Variants in BIN2 observed in about 807,000 individuals in gnomAD.
BIN2 encodes the protein bridging integrator 2.
In BIN2, 43 loss-of-function variants were observed where a neutral mutation model predicts 67.9. That is an observed-to-expected ratio of 0.63 (90% CI 0.50 to 0.82). The LOEUF (loss-of-function observed/expected upper bound fraction) is 0.82, where lower values mean the gene tolerates loss of function less well. Among genes scored for constraint, BIN2 ranks in the 40% least tolerant of loss-of-function variants. The pLI is 0.00. For missense variants in BIN2, 581 were observed against 671.6 expected, an observed-to-expected ratio of 0.87 and a Z score of 1.49; for synonymous variants, 244 against 246.8, an observed-to-expected ratio of 0.99 and a Z score of 0.11.
chr12:51,322,904 T>C (rs1333439164), intron 1 of BIN2: 2 of 152,226 alleles, frequency 1.3e-5, no homozygotes, highest in Admixed American at 6.5e-5. Context: ...CCATCAGTTT[T>C]CTGCTGATAA....
At position 51,307,710 on chromosome 12, in the gene BIN2, CA is replaced by C. The variant is rs199928908; in HGVS notation, c.163-4570del. Among the ~76,000 whole-genome samples the C allele has an allele frequency of 7.4e-3, 865 of 117,520 alleles. 3 individuals carry two copies. The highest frequency in any genetic ancestry group is 0.039 in the Middle Eastern group (8 of 204). The allele number at this position is 117,520 out of a possible 152,430, so 77.1% of individuals were successfully genotyped here. ...GGGCGACAAGAGAGAAACTCCGTCT[CA>C]AAAAAAAAAAAAATTACCTTGCACA... On this transcript the variant is annotated intron_variant, in intron 2 of 12. Coordinates refer to ENST00000615107, the MANE Select transcript of BIN2 (RefSeq NM_016293.4).
chr12:51,293,186 C>G lies in BIN2; in HGVS notation c.762-842G>C, dbSNP rs138084958. On this transcript the variant is annotated intron_variant, in intron 9 of 12. Transcript: ENST00000615107. ...CTTTATAAAACAAAACTACCATGAA[C>G]AACAAGAATCAACTATAACATCTAT... Among the ~76,000 whole-genome samples the G allele has an allele frequency of 2.8e-3, 420 of 151,766 alleles. 1 individual carries two copies. The highest frequency in any genetic ancestry group is 9.9e-3 in the African/African-American group (410 of 41,428).
At chr12:51,283,993 CAAA>C (rs34571040) in intron 12 of BIN2, among the ~76,000 whole-genome samples, 1 of 133,150 alleles carries the variant, frequency 7.5e-6, no homozygotes, top group Non-Finnish European at 1.6e-5. Context: ...AACTCCGTCT[CAAA>C]AAAAAAAAAA....
intron 9 of BIN2, among the ~76,000 whole-genome samples, chr12:51,293,289 A>G (rs1005688214): frequency 6.6e-6 from 1 of 151,928 alleles, no homozygotes; most frequent in Admixed American, 6.6e-5. Flanking sequence ...TCAGCCAAAA[A>G]AAAACCACCT....
At chr12:51,301,672 A>AT (rs537318198) in intron 5 of BIN2, among the ~76,000 whole-genome samples, 86 of 149,892 alleles carry the variant, frequency 5.7e-4, no homozygotes, top group African/African-American at 1.8e-3. Context: ...CCACATGACT[A>AT]TTTTTTTTTG....
chr12:51,315,487 A>C (rs1946103784), intron 1 of BIN2, among the ~76,000 whole-genome samples: 2 of 152,190 alleles, frequency 1.3e-5, no homozygotes, highest in South Asian at 4.1e-4. Flanking sequence ...TTAATATTTA[A>C]AGTGGGTTTT....
At chr12:51,312,199 C>T (rs1946013553) in intron 2 of BIN2, among the ~76,000 whole-genome samples, 1 of 152,186 alleles carries the variant, frequency 6.6e-6, no homozygotes, top group African/African-American at 2.4e-5. Flanking sequence ...GCTTATTTGC[C>T]TGATAAGAAT....
chr12:51,318,779 G>T (rs1364547879), intron 1 of BIN2, among the ~76,000 whole-genome samples: 1 of 152,174 alleles, frequency 6.6e-6, no homozygotes, highest in Non-Finnish European at 1.5e-5. Flanking sequence ...TTGTCAGGAG[G>T]ATTAAATGAT....
intron 2 of BIN2, among the ~76,000 whole-genome samples, chr12:51,307,377 C>CA (rs1278448843): frequency 4.0e-5 from 6 of 151,308 alleles, no homozygotes; most frequent in African/African-American, 1.5e-4. Context: ...AATTTTATTT[C>CA]AAAAATAAAT....
At position 51,323,487 on chromosome 12, in the gene BIN2, T is replaced by C. The variant is rs117733810; in HGVS notation, c.81+535A>G. Among the ~76,000 whole-genome samples the C allele has an allele frequency of 7.8e-3, 1,177 of 150,124 alleles. 10 individuals are homozygous for C. Among genetic ancestry groups the C allele is most frequent in the Middle Eastern group, 0.024 (7 of 292 alleles). Reference sequence around the variant, plus strand: ...GAAGAAGCAGATTTGGGCTCCTGCTTACGTCAGCTGAAACACCACCCAGAG... The same window carrying C: ...GAAGAAGCAGATTTGGGCTCCTGCTCACGTCAGCTGAAACACCACCCAGAG... On this transcript the variant is annotated intron_variant, in intron 1 of 12. Transcript: ENST00000615107.
At chr12:51,300,979 G>C (rs1307471517) in intron 5 of BIN2, among the ~76,000 whole-genome samples, 1 of 152,146 alleles carries the variant, frequency 6.6e-6, no homozygotes, top group Admixed American at 6.5e-5. Flanking sequence ...CCAGCACTTT[G>C]GGAGGCCGTG....
chr12:51,297,571 A>C (rs1945601633), intron 7 of BIN2, among the ~76,000 whole-genome samples: 1 of 152,086 alleles, frequency 6.6e-6, no homozygotes, highest in Admixed American at 6.6e-5. Context: ...TATTTTAAAA[A>C]ATAAAAAAAG....
At chr12:51,292,441 G>T (rs984454962) in intron 9 of BIN2, 97 bp from the exon 10 acceptor site, 6 of 1,313,022 alleles carry the variant, frequency 4.6e-6, no homozygotes, top group South Asian at 3.1e-5. Context: ...AAAGAATAAA[G>T]CAATTTAAAA....
At chr12:51,286,884 C>T (rs1301264757) in intron 11 of BIN2, among the ~76,000 whole-genome samples, 4 of 151,930 alleles carry the variant, frequency 2.6e-5, no homozygotes, top group Admixed American at 6.6e-5. Flanking sequence ...AGTGCAGTGG[C>T]GTGATCATGG....
At chr12:51,324,450 T>C, upstream of BIN2, 1 of 1,502,568 alleles carries the variant, frequency 6.7e-7, no homozygotes, top group Non-Finnish European at 8.8e-7. Context: ...CGCTGAGCAC[T>C]GCAAAGCAAC....
At chr12:51,294,907 C>T (rs1014232132) in intron 9 of BIN2, among the ~76,000 whole-genome samples, 6 of 152,120 alleles carry the variant, frequency 3.9e-5, no homozygotes, top group African/African-American at 7.2e-5. Context: ...ATTCTTTATA[C>T]GTTCGGTTAT....
intron 10 of BIN2, among the ~76,000 whole-genome samples, chr12:51,290,504 T>C (rs1945353188): frequency 6.6e-6 from 1 of 151,940 alleles, no homozygotes; most frequent in Non-Finnish European, 1.5e-5. Flanking sequence ...ATCTGCTCAT[T>C]AACACTACTA....
chr12:51,298,346 T>TG (rs1257065683), intron 7 of BIN2, among the ~76,000 whole-genome samples: 1 of 151,930 alleles, frequency 6.6e-6, no homozygotes, highest in East Asian at 1.9e-4. Flanking sequence ...CACTCCAGCC[T>TG]GGCAACAGAG....
chr12:51,294,487 A>G (rs914782625), intron 9 of BIN2, among the ~76,000 whole-genome samples: 1 of 151,906 alleles, frequency 6.6e-6, no homozygotes, highest in Non-Finnish European at 1.5e-5. Context: ...GAATTGCTTG[A>G]ACCCGGGAAG....
Sources: allele counts gnomAD v4.1 joint callset (sites outside exome capture counted in the v4.1 genomes callset), GRCh38; gene constraint gnomAD v4.1.1; transcripts MANE v1.5; gene names NCBI Gene and HGNC (gene_info 2026-07-23, HGNC 2026-07-21).